Variants in PEDS1 observed in about 807,000 individuals in gnomAD.
The protein encoded by PEDS1 is CarF homolog.
Under a neutral mutation model 35.2 loss-of-function variants are expected in PEDS1, and 14 were observed. The observed-to-expected ratio is 0.40, with a 90% CI of 0.26 to 0.62. The LOEUF is 0.62. Among genes scored for constraint, PEDS1 ranks in the 20% least tolerant of loss-of-function variants. PEDS1 has a pLI of 0.44. For missense variants in PEDS1, 260 were observed against 367.8 expected, an observed-to-expected ratio of 0.71 and a Z score of 2.40; for synonymous variants, 152 against 152.0, an observed-to-expected ratio of 1.00 and a Z score of 0.00.
In PEDS1 at chr20:50,120,481, T is replaced by TAC. The variant is rs1491353515; in HGVS notation, c.*4576_*4577insGT. ...GCTTATATAGCAATATATATATTGC[T>TAC]ATATATATATATATACCCATATATA... On this transcript the variant is annotated 3_prime_UTR_variant, in exon 6 of 6. Transcript: ENST00000371652. 1.4e-5 allele frequency: 1 copy of TAC among 69,850 alleles called. No homozygotes were observed. The highest frequency in any genetic ancestry group is 2.9e-5 in the Non-Finnish European group (1 of 33,914). The allele number at this position is 69,850 out of a possible 1,614,324, so 4.3% of individuals were successfully genotyped here. A position where few individuals can be genotyped will look rare whatever the true frequency, so the allele number is the denominator to read the frequency against.
intron 1 of PEDS1, among the ~76,000 whole-genome samples, chr20:50,153,081 G>A (rs932395183): frequency 1.3e-5 from 2 of 151,772 alleles, no homozygotes; most frequent in East Asian, 3.9e-4. Flanking sequence ...CAGATCTGGG[G>A]AACCCAGGAT....
chr20:50,131,673 A>G (rs1237947856), intron 2 of PEDS1, among the ~76,000 whole-genome samples: 1 of 126,644 alleles, frequency 7.9e-6, no homozygotes, highest in Non-Finnish European at 1.7e-5. Flanking sequence ...TCGCTGCTCC[A>G]CCCCCACCCC....
In PEDS1 at chr20:50,125,088, A is replaced by T; in HGVS notation, c.783T>A (p.Asp261Glu). ...QGLTGEKPRA[D>E]DMKWAQKIK ...TGATCTTCTGGGCCCATTTCATGTC[A>T]TCTGCCCGAGGCTTCTCGCCCGTCA... Residue 261 changes from aspartate (D) to glutamate (E), a missense_variant, in exon 6 of 6, where the codon GAT (aspartate) becomes GAA (glutamate). By Grantham distance (45) the Asp-to-Glu change is conservative (BLOSUM62 2). This residue lies in a region of PEDS1 where 83 missense variants were observed against 142.8 expected (regional missense o/e 0.58). Transcript: ENST00000371652. 1 of 1,614,154 alleles carries T rather than the reference A, an allele frequency of 6.2e-7. No individual in the cohort carries two copies. Among genetic ancestry groups the T allele is most frequent in the Non-Finnish European group, 8.5e-7 (1 of 1,179,986 alleles).
In PEDS1 at chr20:50,121,481, C is replaced by T. The variant is rs1263109797; in HGVS notation, c.*3577G>A. 1 of 152,318 alleles carries T rather than the reference C, an allele frequency of 6.6e-6. No individual in the cohort carries two copies. The highest frequency in any genetic ancestry group is 2.4e-5 in the African/African-American group (1 of 41,434). The allele number at this position is 152,318 out of a possible 1,614,324, so 9.4% of individuals were successfully genotyped here. ...AAAGAGTACTCACTTCTCAGAGCTG[C>T]AGGGACTGCTTGACAGGACCCATGC... On this transcript the variant is annotated 3_prime_UTR_variant, in exon 6 of 6. Transcript: ENST00000371652.
chr20:50,144,469 A>G (rs2081326683), intron 1 of PEDS1, among the ~76,000 whole-genome samples: 1 of 152,188 alleles, frequency 6.6e-6, no homozygotes, highest in African/African-American at 2.4e-5. Flanking sequence ...TGGGGCTTCT[A>G]AAAGTATGGC....
chr20:50,152,785 A>G (rs1205699408), intron 1 of PEDS1, among the ~76,000 whole-genome samples: 1 of 151,884 alleles, frequency 6.6e-6, no homozygotes, highest in African/African-American at 2.4e-5. Flanking sequence ...GGGAGCTTAC[A>G]GTGGGGTACA....
rs1038147114 is a variant in PEDS1 at position 50,152,568 on chromosome 20, G to T, written c.121+949C>A. Among the ~76,000 whole-genome samples the T allele has an allele frequency of 4.6e-5, 7 of 151,526 alleles. No individual in the cohort carries two copies. The East Asian group carries it at 7.7e-4, about 17-fold the overall frequency. On this transcript the variant is annotated intron_variant, in intron 1 of 5. Coordinates refer to ENST00000371652, the MANE Select transcript of PEDS1 (RefSeq NM_199129.4). ...AGTCACAAAAGTGGGTGTAGGGGGGGTGCTTGCTGGAGCATATACAGTGAG... is the reference window on the plus strand; with the variant it reads ...AGTCACAAAAGTGGGTGTAGGGGGGTTGCTTGCTGGAGCATATACAGTGAG...
At chr20:50,149,840 C>G (rs780562842) in intron 1 of PEDS1, among the ~76,000 whole-genome samples, 3 of 152,216 alleles carry the variant, frequency 2.0e-5, no homozygotes, top group Non-Finnish European at 2.9e-5. Flanking sequence ...GAACCTAGCG[C>G]ACCCCCACCC....
rs2081431163 is a variant in PEDS1, at chr20:50,153,676, G to A, written c.-39C>T. ...ATCGGCCCGGTGCGCTCTGCTGGCG[G>A]CGGCGGCGGCAGGGCCGCGGAACCG... On this transcript the variant is annotated 5_prime_UTR_variant, in exon 1 of 6. Coordinates refer to ENST00000371652, the MANE Select transcript of PEDS1 (RefSeq NM_199129.4). 2.5e-6 allele frequency: 3 copies of A among 1,209,916 alleles called. No individual in the cohort carries two copies. Among genetic ancestry groups the A allele is most frequent in the Non-Finnish European group, 3.1e-6 (3 of 974,218 alleles). 74.9% of individuals were successfully genotyped at this position (1,209,916 alleles called of 1,614,324 possible).
At position 50,142,691 on chromosome 20, in the gene PEDS1, C is replaced by T. The variant is rs569655123; in HGVS notation, c.241+811G>A. ...TGACCTCAAGTCATCCGCCCCCCCC[C>T]CCCCGCCCCAACGGCCTCCCACAGT... is the stretch of plus-strand genomic sequence containing the variant. On this transcript the variant is annotated intron_variant, in intron 2 of 5. Transcript: ENST00000371652. Among the ~76,000 whole-genome samples the T allele has an allele frequency of 2.1e-4, 21 of 100,618 alleles. 1 individual carries two copies. Among genetic ancestry groups the T allele is most frequent in the East Asian group, 9.9e-4 (3 of 3,032 alleles). The allele number at this position is 100,618 out of a possible 152,430, so 66.0% of individuals were successfully genotyped here.
At chr20:50,150,760 T>C (rs1203258944) in intron 1 of PEDS1, among the ~76,000 whole-genome samples, 1 of 152,120 alleles carries the variant, frequency 6.6e-6, no homozygotes, top group East Asian at 1.9e-4. Flanking sequence ...TGGTGTGGTA[T>C]TGGCTCACTG....
chr20:50,143,616 G>A lies in PEDS1; in HGVS notation c.127C>T (p.Arg43Cys), dbSNP rs1428487055. Residue 43 changes from arginine to cysteine, a missense_variant, in exon 2 of 6, where the codon CGC becomes TGC. Arg to Cys is a radical substitution (Grantham distance 180). Around this residue, in one of 4 missense-constraint regions of PEDS1, gnomAD observed 114 missense variants for 121.6 expected, o/e 0.94. Coordinates refer to ENST00000371652, the MANE Select transcript of PEDS1 (RefSeq NM_199129.4). ...ATCACAGAGCACCACTCCTGGAGGCGCTTGCCTGCAGGGAGCAGAGGCGAG... is the reference window on the plus strand; with the variant it reads ...ATCACAGAGCACCACTCCTGGAGGCACTTGCCTGCAGGGAGCAGAGGCGAG... Reference protein sequence around the residue: ...ELAALYSPGKRLQEWCSVILC... With the variant: ...ELAALYSPGKCLQEWCSVILC... 1.2e-6 allele frequency: 2 copies of A among 1,614,104 alleles called. No individual in the cohort carries two copies. Among genetic ancestry groups the A allele is most frequent in the Admixed American group, 1.7e-5 (1 of 60,018 alleles).
intron 2 of PEDS1, among the ~76,000 whole-genome samples, chr20:50,135,292 T>G (rs1470157697): frequency 6.6e-6 from 1 of 152,152 alleles, no homozygotes; most frequent in Non-Finnish European, 1.5e-5. Flanking sequence ...AAGGCAGACA[T>G]CAACAGCATT....
Position 50,120,512 on chromosome 20 carries a change from G to A in PEDS1, c.*4546C>T, listed in dbSNP as rs2081042459. 6.6e-6 allele frequency: 1 copy of A among 151,298 alleles called. No homozygotes were observed. Among genetic ancestry groups the A allele is most frequent in the African/African-American group, 2.4e-5 (1 of 41,066 alleles). 9.4% of individuals were successfully genotyped at this position (151,298 alleles called of 1,614,324 possible). On this transcript the variant is annotated 3_prime_UTR_variant, in exon 6 of 6. Transcript: ENST00000371652. ...TATATATATACCCATATATATATGT[G>A]GGTAGCTTGAAAAATATTTTTGGTT...
intron 1 of PEDS1, among the ~76,000 whole-genome samples, chr20:50,149,006 T>C (rs555689440): frequency 6.6e-6 from 1 of 152,102 alleles, no homozygotes; most frequent in African/African-American, 2.4e-5. Flanking sequence ...CTCGGCACTT[T>C]GGAGGCTGAG....
chr20:50,136,647 T>C (rs866539714), intron 2 of PEDS1, among the ~76,000 whole-genome samples: 2 of 135,018 alleles, frequency 1.5e-5, no homozygotes, highest in South Asian at 4.8e-4. Context: ...CACTTGAACC[T>C]GGGAGGAAGA....
chr20:50,136,598 C>T (rs1038830440), intron 2 of PEDS1, among the ~76,000 whole-genome samples: 1 of 151,926 alleles, frequency 6.6e-6, no homozygotes, highest in Non-Finnish European at 1.5e-5. Flanking sequence ...TGGTGTAGGC[C>T]TGTAATCTCA....
chr20:50,132,802 T>C (rs1368440090), intron 2 of PEDS1, among the ~76,000 whole-genome samples: 1 of 152,194 alleles, frequency 6.6e-6, no homozygotes, highest in Non-Finnish European at 1.5e-5. Flanking sequence ...CAGGCCATAT[T>C]ACTGTTGCTG....
At chr20:50,149,728 T>C (rs1202137458) in intron 1 of PEDS1, among the ~76,000 whole-genome samples, 2 of 152,142 alleles carry the variant, frequency 1.3e-5, no homozygotes, top group Non-Finnish European at 2.9e-5. Flanking sequence ...CTCTGCCACC[T>C]GCCCTGCACA....
Sources: gnomAD v4.1 joint callset for allele counts (sites outside exome capture counted in the v4.1 genomes callset) on GRCh38, gnomAD v4.1.1 for gene constraint, gnomAD v4.1.1 regional missense constraint, MANE v1.5 for transcripts, NCBI Gene and HGNC (gene_info 2026-07-23, HGNC 2026-07-21) for gene names.